PTPRD: variants seen among roughly 807,000 people sequenced by gnomAD.
PTPRD encodes protein tyrosine phosphatase receptor type D, also known as receptor-type tyrosine-protein phosphatase delta.
A neutral mutation model predicts 214.5 loss-of-function variants in PTPRD; 34 were observed. That is an observed-to-expected ratio of 0.16 (90% CI 0.12 to 0.21). PTPRD has a LOEUF of 0.21. Ranked by LOEUF, PTPRD falls within the 10% of genes least tolerant of loss-of-function variation. The pLI is 1.00. For missense variants in PTPRD, 2,545 were observed against 2,398.7 expected, an observed-to-expected ratio of 1.06 and a Z score of -1.27; for synonymous variants, 1,128 against 845.7, an observed-to-expected ratio of 1.33 and a Z score of -5.79.
intron 7 of PTPRD, among the ~76,000 whole-genome samples, chr9:9,657,807 G>A (rs907659244): frequency 2.0e-5 from 3 of 152,100 alleles, no homozygotes; most frequent in African/African-American, 7.2e-5. Context: ...TTTGATGGTG[G>A]TCTATGCCAT....
At chr9:9,924,228 T>C (rs2083492988) in intron 5 of PTPRD, among the ~76,000 whole-genome samples, 1 of 151,948 alleles carries the variant, frequency 6.6e-6, no homozygotes, top group African/African-American at 2.4e-5. Flanking sequence ...ATAGAAGTTA[T>C]TAGGTAATGT....
At chr9:9,447,898 A>G (rs2090977058) in intron 8 of PTPRD, among the ~76,000 whole-genome samples, 1 of 152,132 alleles carries the variant, frequency 6.6e-6, no homozygotes, top group Non-Finnish European at 1.5e-5. Flanking sequence ...GGGCCAGATT[A>G]AAGAAATGAC....
At chr9:9,890,154 C>G (rs2072729609) in intron 5 of PTPRD, among the ~76,000 whole-genome samples, 1 of 151,896 alleles carries the variant, frequency 6.6e-6, no homozygotes, top group African/African-American at 2.4e-5. Flanking sequence ...TTTAAAATAT[C>G]TCTTTACTCC....
At chr9:10,363,991 G>GTTTTTTTTTT (rs71270610) in intron 2 of PTPRD, among the ~76,000 whole-genome samples, 561 of 35,002 alleles carry the variant, frequency 0.016, 122 homozygotes, top group East Asian at 0.028. Context: ...ACATTTTCGG[G>GTTTTTTTTTT]TTTTTTTTTT....
intron 39 of PTPRD, among the ~76,000 whole-genome samples, 160 bp downstream of exon 39, chr9:8,375,776 C>T (rs2083061459): frequency 6.6e-6 from 1 of 152,028 alleles, no homozygotes; most frequent in Non-Finnish European, 1.5e-5. Context: ...ATGTCAAATC[C>T]ATCCTATTGA....
chr9:9,896,332 G>GA (rs1403056369), intron 5 of PTPRD, among the ~76,000 whole-genome samples: 5 of 152,168 alleles, frequency 3.3e-5, no homozygotes, highest in African/African-American at 1.2e-4. Context: ...GATTCAGCTA[G>GA]AATGTCAGAC....
At chr9:10,562,825 G>A (rs748501546) in intron 2 of PTPRD, among the ~76,000 whole-genome samples, 4 of 152,028 alleles carry the variant, frequency 2.6e-5, no homozygotes, top group African/African-American at 7.2e-5. Flanking sequence ...GCACATTGGA[G>A]ACTTAGAGTC....
At chr9:8,327,094 T>C (rs1834677188) in intron 44 of PTPRD, among the ~76,000 whole-genome samples, 1 of 150,136 alleles carries the variant, frequency 6.7e-6, no homozygotes, top group Non-Finnish European at 1.5e-5. Context: ...TTGTTTGCTC[T>C]TGTTACTCTA....
At chr9:8,461,854 T>C (rs2134236058) in intron 32 of PTPRD, among the ~76,000 whole-genome samples, 1 of 152,162 alleles carries the variant, frequency 6.6e-6, no homozygotes. Context: ...CTCACCATGT[T>C]TCCCAGGCTG....
rs2096821065 is a variant in PTPRD, at chr9:8,478,794, T to C, written c.3413+5325A>G. 1.3e-5 allele frequency among the ~76,000 whole-genome samples: 2 copies of C among 152,194 alleles called. 1 individual carries two copies. The highest frequency in any genetic ancestry group is 4.1e-4 in the South Asian group (2 of 4,834). ...GCACACAAAAAATACAACAACCAAGTATGAAAGTAAAGAGATATTAAATTA... is the reference window on the plus strand; with the variant it reads ...GCACACAAAAAATACAACAACCAAGCATGAAAGTAAAGAGATATTAAATTA... On this transcript the variant is annotated intron_variant, in intron 30 of 45. Transcript: ENST00000381196.
chr9:9,783,478 T>C (rs932104727), intron 5 of PTPRD, among the ~76,000 whole-genome samples: 8 of 152,096 alleles, frequency 5.3e-5, no homozygotes, highest in Non-Finnish European at 1.5e-5. Flanking sequence ...ACTTACAAAT[T>C]AAAATGTAAT....
intron 36 of PTPRD, among the ~76,000 whole-genome samples, chr9:8,394,514 C>T (rs969207468): frequency 1.3e-5 from 2 of 152,144 alleles, no homozygotes; most frequent in Non-Finnish European, 2.9e-5. Flanking sequence ...GGACTCCTGT[C>T]TAGGGCTGCT....
intron 3 of PTPRD, among the ~76,000 whole-genome samples, chr9:10,124,668 T>C (rs1484181323): frequency 6.6e-6 from 1 of 152,192 alleles, no homozygotes; most frequent in Non-Finnish European, 1.5e-5. Context: ...AAGTATGTTA[T>C]TAATACCAAT....
intron 12 of PTPRD, among the ~76,000 whole-genome samples, chr9:8,694,057 T>C (rs1289082978): frequency 1.3e-5 from 2 of 152,226 alleles, no homozygotes; most frequent in Non-Finnish European, 2.9e-5. Flanking sequence ...TAAGTCTTCT[T>C]GTAAATAATC....
At chr9:8,493,941 G>A (rs189635592) in intron 26 of PTPRD, among the ~76,000 whole-genome samples, 1 of 151,866 alleles carries the variant, frequency 6.6e-6, no homozygotes, top group East Asian at 1.9e-4. Context: ...AAATACCAGA[G>A]CTGCATGTAC....
At chr9:8,717,285 A>G (rs1316657618) in intron 12 of PTPRD, among the ~76,000 whole-genome samples, 1 of 152,188 alleles carries the variant, frequency 6.6e-6, no homozygotes, top group Admixed American at 6.5e-5. Flanking sequence ...AGAGAAATAC[A>G]CAAAGTGTAT....
rs35311745 is a variant in PTPRD at position 10,612,208 on chromosome 9, C to CAAAAAA, written c.-600+184_-600+189dup. Among the ~76,000 whole-genome samples, 217 of 126,716 alleles carry CAAAAAA rather than the reference C, an allele frequency of 1.7e-3. 4 individuals are homozygous for CAAAAAA. Among genetic ancestry groups the CAAAAAA allele is most frequent in the African/African-American group, 6.0e-3 (201 of 33,566 alleles). 83.1% of individuals were successfully genotyped at this position (126,716 alleles called of 152,430 possible). A position where few individuals can be genotyped will look rare whatever the true frequency, so the allele number is the denominator to read the frequency against. Reference sequence around the variant, plus strand: ...TATCGAAGTCTTCTAAGGGCTCTTCCAAAAAAAAAAAAAAAAGAAAAAAAT... The same window carrying CAAAAAA: ...TATCGAAGTCTTCTAAGGGCTCTTCCAAAAAAAAAAAAAAAAAAAAAAGAAAAAAAT... On this transcript the variant is annotated intron_variant, in intron 2 of 45. Coordinates refer to ENST00000381196, the MANE Select transcript of PTPRD (RefSeq NM_002839.4).
intron 9 of PTPRD, among the ~76,000 whole-genome samples, chr9:9,225,751 G>A (rs2099959031): frequency 6.6e-6 from 1 of 152,074 alleles, no homozygotes; most frequent in African/African-American, 2.4e-5. Context: ...AAAAGCAACA[G>A]AGAATTTTGC....
At chr9:8,546,229 G>A (rs2080102541) in intron 14 of PTPRD, among the ~76,000 whole-genome samples, 1 of 152,118 alleles carries the variant, frequency 6.6e-6, no homozygotes, top group African/African-American at 2.4e-5. Context: ...AACTGATTTT[G>A]GTTAGCTAAA....
Sources: gnomAD v4.1 joint callset for allele counts (sites outside exome capture counted in the v4.1 genomes callset) on GRCh38, gnomAD v4.1.1 for gene constraint, MANE v1.5 for transcripts, NCBI Gene and HGNC (gene_info 2026-07-23, HGNC 2026-07-21) for gene names.